Variants in C3orf20 observed in about 807,000 individuals in gnomAD.
The protein encoded by C3orf20 is family with sequence similarity 149 member C, also known as uncharacterized protein C3orf20.
A neutral mutation model predicts 88.3 loss-of-function variants in C3orf20; 76 were observed. The observed-to-expected ratio is 0.86, with a 90% confidence interval of 0.72 to 1.04. The LOEUF (loss-of-function observed/expected upper bound fraction) is 1.04, where lower values mean the gene tolerates loss of function less well. Ranked by LOEUF, C3orf20 falls within the 50% of genes least tolerant of loss-of-function variation. C3orf20 has a pLI of 0.00. For missense variants in C3orf20, 1,056 were observed against 1,123.3 expected, an observed-to-expected ratio of 0.94 and a Z score of 0.86; for synonymous variants, 436 against 437.4, an observed-to-expected ratio of 1.00 and a Z score of 0.04.
chr3:14,748,151 G>A (rs1238216872), intron 12 of C3orf20, among the ~76,000 whole-genome samples: 1 of 151,872 alleles, frequency 6.6e-6, no homozygotes, highest in African/African-American at 2.4e-5. Context: ...CTTTTTACTT[G>A]TTAGAGGCTT....
In C3orf20 at chr3:14,703,159, A is replaced by T. The variant is rs565236241; in HGVS notation, c.775A>T (p.Met259Leu). ...ATCTAGAACTACAGAAGATGTCAGCATGCCGCCCCTGCATCGAGGAGTGGG... is the reference window on the plus strand; with the variant it reads ...ATCTAGAACTACAGAAGATGTCAGCTTGCCGCCCCTGCATCGAGGAGTGGG... ...GKSRTTEDVS[M>L]PPLHRGVGTP... Residue 259 changes from methionine to leucine, a missense_variant, in exon 6 of 17, where the codon ATG (methionine) becomes TTG (leucine). Transcript: ENST00000253697. 289 of 1,614,058 alleles carry T rather than the reference A, an allele frequency of 1.8e-4. 1 individual carries two copies. The highest frequency in any genetic ancestry group is 2.4e-4 in the Non-Finnish European group (284 of 1,180,028).
rs752043852 is a variant in C3orf20 at position 14,772,120 on chromosome 3, A to G, written c.2549A>G (p.Glu850Gly). The G allele has an allele frequency of 6.2e-7, 1 of 1,614,234 alleles. No homozygotes were observed. Among genetic ancestry groups the G allele is most frequent in the South Asian group, 1.1e-5 (1 of 91,078 alleles). ...LEDSESVKKA[E>G]SEDIQGSSSS... ...GATTCTGAATCAGTCAAGAAAGCCG[A>G]GTCAGAAGATATCCAAGGAAGCAGC... The change falls in exon 16 of 17, where the codon GAG becomes GGG. Residue 850 changes from glutamate (E) to glycine (G), a missense_variant. Transcript: ENST00000253697. The surrounding 1 kb of genome is among the most constrained non-coding windows in gnomAD (Gnocchi z 4.2).
intron 4 of C3orf20, among the ~76,000 whole-genome samples, chr3:14,686,534 G>A (rs1408356434): frequency 6.6e-6 from 1 of 152,132 alleles, no homozygotes; most frequent in East Asian, 1.9e-4. Flanking sequence ...ATTCTAACAG[G>A]TGTAACGTGG....
At chr3:14,764,613 T>C (rs912860529) in intron 15 of C3orf20, among the ~76,000 whole-genome samples, 1 of 152,044 alleles carries the variant, frequency 6.6e-6, no homozygotes, top group African/African-American at 2.4e-5. Flanking sequence ...AGGTCTGTCA[T>C]ACAGTTACAG....
intron 8 of C3orf20, among the ~76,000 whole-genome samples, chr3:14,714,905 A>ATTTGCCTGGC (rs1277248456): frequency 7.9e-5 from 12 of 152,140 alleles, no homozygotes; most frequent in Non-Finnish European, 1.6e-4. Context: ...CCATGTCTGG[A>ATTTGCCTGGC]TTTGCCTGGC....
chr3:14,743,198 A>G (rs1248768116), intron 12 of C3orf20, among the ~76,000 whole-genome samples: 1 of 151,996 alleles, frequency 6.6e-6, no homozygotes, highest in African/African-American at 2.4e-5. Context: ...TACTTCCTAG[A>G]TACAATGGGG....
At chr3:14,760,311 C>T (rs1240705261) in intron 14 of C3orf20, among the ~76,000 whole-genome samples, 1 of 152,184 alleles carries the variant, frequency 6.6e-6, no homozygotes, top group Non-Finnish European at 1.5e-5. Flanking sequence ...ATCCTAAAAA[C>T]AGTGTACTGT....
intron 14 of C3orf20, among the ~76,000 whole-genome samples, chr3:14,761,016 A>G (rs543073196): frequency 2.5e-4 from 38 of 152,216 alleles, no homozygotes; most frequent in African/African-American, 8.2e-4. Flanking sequence ...GGACTGACCT[A>G]TGGGGGTGGG....
intron 9 of C3orf20, 92 bp downstream of exon 9, chr3:14,715,501 G>T (rs1001437926): frequency 1.3e-4 from 189 of 1,445,312 alleles, no homozygotes; most frequent in Non-Finnish European, 1.7e-4. Flanking sequence ...AGCATTAAAA[G>T]CCCAGGGCTA....
chr3:14,688,511 G>GCA (rs2032551782), intron 4 of C3orf20, among the ~76,000 whole-genome samples: 1 of 121,468 alleles, frequency 8.2e-6, no homozygotes. Flanking sequence ...CAGCCTGGAT[G>GCA]ACAGAGTGAG....
rs1272760762 is a variant in C3orf20 at position 14,757,600 on chromosome 3, A to G, written c.2170A>G (p.Thr724Ala). Residue 724 changes from threonine (T) to alanine (A), a missense_variant, in exon 13 of 17, where the codon ACT becomes GCT. Coordinates refer to ENST00000253697, the MANE Select transcript of C3orf20 (RefSeq NM_032137.5). ...CATCTCAAGCCAGAACTACACCAGCACTGGGCAGCTCCAGTGGCTGCTGAA... is the reference window on the plus strand; with the variant it reads ...CATCTCAAGCCAGAACTACACCAGCGCTGGGCAGCTCCAGTGGCTGCTGAA... ...GIISSQNYTSTGQLQWLLNTL... is the reference protein window; with the variant it reads ...GIISSQNYTSAGQLQWLLNTL... 6.2e-7 allele frequency: 1 copy of G among 1,614,016 alleles called. No individual in the cohort carries two copies. Among genetic ancestry groups the G allele is most frequent in the Non-Finnish European group, 8.5e-7 (1 of 1,180,012 alleles).
chr3:14,733,563 A>G (rs556526333), intron 12 of C3orf20, among the ~76,000 whole-genome samples: 1 of 152,222 alleles, frequency 6.6e-6, no homozygotes, highest in African/African-American at 2.4e-5. Flanking sequence ...CTTTCAGTGG[A>G]AGTTTTTAAT....
intron 12 of C3orf20, among the ~76,000 whole-genome samples, chr3:14,744,749 T>A (rs2035012708): frequency 6.6e-6 from 1 of 152,010 alleles, no homozygotes; most frequent in Non-Finnish European, 1.5e-5. Flanking sequence ...CAGAAACCCC[T>A]GATACACCCA....
chr3:14,745,296 C>T (rs1016471341), intron 12 of C3orf20, among the ~76,000 whole-genome samples: 1 of 152,180 alleles, frequency 6.6e-6, no homozygotes, highest in Non-Finnish European at 1.5e-5. Context: ...GGTGGCTCTC[C>T]AACCTTATGC....
chr3:14,763,427 A>C (rs1021115660), intron 15 of C3orf20, among the ~76,000 whole-genome samples: 2 of 152,078 alleles, frequency 1.3e-5, no homozygotes, highest in Non-Finnish European at 2.9e-5. Flanking sequence ...CTGTTGTATA[A>C]GGGCACCAAT....
rs1428829852 is a variant in C3orf20, at chr3:14,772,863, C to A, written c.2703C>A (p.Ala901=). Residue 901 remains alanine, a synonymous_variant, in exon 17 of 17, where the codon GCC becomes GCA. Coordinates refer to ENST00000253697, the MANE Select transcript of C3orf20 (RefSeq NM_032137.5). The surrounding 1 kb of genome is among the most constrained non-coding windows in gnomAD (Gnocchi z 4.2). ...DSKITSWKKQ[A]SKK is the part of the protein sequence containing the mutation. ...AGATAACTAGTTGGAAGAAGCAGGC[C>A]TCCAAGAAGTAGCGCCATCCTGGCA... The A allele has an allele frequency of 1.2e-6, 2 of 1,613,790 alleles. No individual in the cohort carries two copies. Among genetic ancestry groups the A allele is most frequent in the Admixed American group, 1.7e-5 (1 of 60,030 alleles).
rs559972052 is a variant in C3orf20, at chr3:14,704,728, C to T, written c.1160+110C>T. 3.8e-6 allele frequency: 5 copies of T among 1,328,182 alleles called. No homozygotes were observed. The African/African-American group carries it at 7.3e-5, about 19-fold the overall frequency. 82.3% of individuals were successfully genotyped at this position (1,328,182 alleles called of 1,614,324 possible). A position where few individuals can be genotyped will look rare whatever the true frequency, so the allele number is the denominator to read the frequency against. On this transcript the variant is annotated intron_variant, in intron 7 of 16. Transcript: ENST00000253697. ...TTGGGCCTTTTAGTTATCAGAGAAG[C>T]CTGGTGATGGGTCTCCTGGGTATTA...
At chr3:14,771,996 G>A in intron 15 of C3orf20, 71 bp from the exon 16 acceptor site, 1 of 1,588,906 alleles carries the variant, frequency 6.3e-7, no homozygotes, top group Non-Finnish European at 8.6e-7. Context: ...CAGGCTCCCA[G>A]AACACTGATG....
At chr3:14,741,779 A>G (rs2034906574) in intron 12 of C3orf20, among the ~76,000 whole-genome samples, 1 of 152,238 alleles carries the variant, frequency 6.6e-6, no homozygotes, top group Admixed American at 6.5e-5. Flanking sequence ...CCCCATAGGC[A>G]GTGTGCTGAG....
Sources: allele counts gnomAD v4.1 joint callset (sites outside exome capture counted in the v4.1 genomes callset), GRCh38; gene constraint gnomAD v4.1.1; non-coding constraint Gnocchi (gnomAD v3.1); transcripts MANE v1.5; gene names NCBI Gene and HGNC (gene_info 2026-07-23, HGNC 2026-07-21).